Variants in PHACTR1 observed in about 807,000 individuals in gnomAD.
PHACTR1 encodes the protein phosphatase and actin regulator 1.
PHACTR1 carries 16 observed loss-of-function variants against 69.2 expected under a neutral mutation model. The ratio of observed to expected loss-of-function variants is 0.23; its 90% CI spans 0.16 to 0.35. PHACTR1 has a LOEUF of 0.35. PHACTR1 is among the 10% of genes least tolerant of loss of function. PHACTR1 has a pLI of 1.00. For missense variants in PHACTR1, 510 were observed against 734.7 expected, an observed-to-expected ratio of 0.69 and a Z score of 3.54; for synonymous variants, 312 against 284.5, an observed-to-expected ratio of 1.10 and a Z score of -0.97.
intron 5 of PHACTR1, among the ~76,000 whole-genome samples, chr6:13,125,143 A>G (rs1236202582): frequency 2.6e-5 from 4 of 152,226 alleles, no homozygotes; most frequent in Non-Finnish European, 5.9e-5. Context: ...AGGTGAATTG[A>G]CTAAGCAAAC....
chr6:13,143,980 A>G (rs566527328), intron 5 of PHACTR1, among the ~76,000 whole-genome samples: 2 of 152,310 alleles, frequency 1.3e-5, no homozygotes, highest in African/African-American at 2.4e-5. Context: ...TCATAGGTGC[A>G]GATAAAATTT....
intron 8 of PHACTR1, among the ~76,000 whole-genome samples, chr6:13,212,956 C>A (rs979859941): frequency 1.3e-5 from 2 of 152,188 alleles, no homozygotes; most frequent in South Asian, 4.1e-4. Flanking sequence ...CACCATCTAA[C>A]GTTTTGTGTC....
intron 4 of PHACTR1, among the ~76,000 whole-genome samples, chr6:12,822,365 G>A (rs1204158687): frequency 2.6e-5 from 4 of 152,172 alleles, no homozygotes; most frequent in Non-Finnish European, 5.9e-5. Context: ...CCTAAGGGGA[G>A]ACCACGAGGA....
intron 4 of PHACTR1, among the ~76,000 whole-genome samples, chr6:12,944,307 A>G (rs1790363894): frequency 6.6e-6 from 1 of 152,206 alleles, no homozygotes; most frequent in Non-Finnish European, 1.5e-5. Context: ...AATCTGCCCA[A>G]TTACAATTTG....
At chr6:12,888,558 G>C (rs917823639) in intron 4 of PHACTR1, among the ~76,000 whole-genome samples, 9 of 151,970 alleles carry the variant, frequency 5.9e-5, no homozygotes, top group Non-Finnish European at 7.4e-5. Context: ...ATGAAAATTA[G>C]TTTTATTTAA....
At chr6:13,242,963 A>C (rs6908312) in intron 10 of PHACTR1, among the ~76,000 whole-genome samples, 3,245 of 152,308 alleles carry the variant, frequency 0.021, 119 homozygotes, top group African/African-American at 0.073. Flanking sequence ...GAGTGAGTCA[A>C]AGTATGCTTA....
chr6:13,287,090 C>G lies in PHACTR1; in HGVS notation c.*12C>G, dbSNP rs1399571899. The G allele has an allele frequency of 6.2e-7, 1 of 1,601,804 alleles. No homozygotes were observed. Among genetic ancestry groups the G allele is most frequent in the Non-Finnish European group, 8.5e-7 (1 of 1,172,928 alleles). On this transcript the variant is annotated 3_prime_UTR_variant, in exon 15 of 15. Coordinates refer to ENST00000332995, the MANE Select transcript of PHACTR1 (RefSeq NM_030948.6). The stretch of plus-strand genomic sequence containing the variant: ...TTCACCGACCTTAACAGTCGAATTC[C>G]TCTTGAGTGCTATGCTGTCTTCAAA...
chr6:12,773,002 A>G (rs1769583039), intron 4 of PHACTR1, among the ~76,000 whole-genome samples: 1 of 152,188 alleles, frequency 6.6e-6, no homozygotes, highest in Non-Finnish European at 1.5e-5. Context: ...TGAAGATACA[A>G]TATGGATGTG....
intron 4 of PHACTR1, among the ~76,000 whole-genome samples, chr6:12,829,753 A>G (rs933661656): frequency 5.3e-5 from 8 of 151,732 alleles, no homozygotes; most frequent in African/African-American, 1.9e-4. Context: ...CCTGGAGTTC[A>G]AGATCAGGCT....
intron 10 of PHACTR1, among the ~76,000 whole-genome samples, chr6:13,244,907 G>C (rs111237122): frequency 0.056 from 8,523 of 152,302 alleles, 427 homozygotes; most frequent in African/African-American, 0.13. Flanking sequence ...TTGGGGAAGT[G>C]ATAAGTGTCC....
At chr6:13,079,204 C>G (rs1476708053) in intron 5 of PHACTR1, among the ~76,000 whole-genome samples, 1 of 152,136 alleles carries the variant, frequency 6.6e-6, no homozygotes, top group East Asian at 1.9e-4. Flanking sequence ...AATGCCAACT[C>G]ATGGAGACAC....
intron 4 of PHACTR1, among the ~76,000 whole-genome samples, chr6:12,771,194 G>C (rs1769338651): frequency 6.6e-6 from 1 of 152,174 alleles, no homozygotes; most frequent in South Asian, 2.1e-4. Flanking sequence ...GCTTGAGTTA[G>C]AGCAGTAATA....
intron 5 of PHACTR1, among the ~76,000 whole-genome samples, chr6:13,096,787 T>C (rs1475905592): frequency 6.6e-6 from 1 of 152,214 alleles, no homozygotes; most frequent in African/African-American, 2.4e-5. Context: ...AGTCTGTGTG[T>C]CTAGAGATGC....
At chr6:13,120,267 C>T (rs1818498591) in intron 5 of PHACTR1, among the ~76,000 whole-genome samples, 1 of 152,162 alleles carries the variant, frequency 6.6e-6, no homozygotes, top group Non-Finnish European at 1.5e-5. Flanking sequence ...TTCTCTTCCT[C>T]CCCTCCTTTT....
intron 7 of PHACTR1, among the ~76,000 whole-genome samples, chr6:13,201,742 C>T (rs751842322): frequency 7.2e-5 from 11 of 152,142 alleles, no homozygotes; most frequent in Admixed American, 1.3e-4. Flanking sequence ...AATCGTGCCT[C>T]TAGTTATGTT....
chr6:13,084,118 C>T (rs1811875158), intron 5 of PHACTR1, among the ~76,000 whole-genome samples: 2 of 152,008 alleles, frequency 1.3e-5, no homozygotes, highest in African/African-American at 2.4e-5. Flanking sequence ...AGACTTGGAA[C>T]TGACCCAAAT....
chr6:13,284,535 AAAAAAAAAATATATAT>A (rs1781085459), intron 13 of PHACTR1, among the ~76,000 whole-genome samples: 4 of 104,980 alleles, frequency 3.8e-5, no homozygotes, highest in Non-Finnish European at 6.9e-5. Context: ...AAAAAAAAAA[AAAAAAAAAATATATAT>A]ATATATATAT....
At position 13,283,019 on chromosome 6, in the gene PHACTR1, G is replaced by A. The variant is rs1780636080; in HGVS notation, c.1510-403G>A. On this transcript the variant is annotated intron_variant, in intron 12 of 14. Transcript: ENST00000332995. The surrounding 1 kb of genome is among the most constrained non-coding windows in gnomAD (Gnocchi z 4.7). ...ACAGATAAAATGATATGATGCCTGT[G>A]ATTTGTTTCAAAGCAATCTACATGT... Among the ~76,000 whole-genome samples the A allele has an allele frequency of 6.6e-6, 1 of 152,134 alleles. No homozygotes were observed. The highest frequency in any genetic ancestry group is 6.5e-5 in the Admixed American group (1 of 15,284).
chr6:13,079,710 T>A, intron 5 of PHACTR1, among the ~76,000 whole-genome samples: 1 of 152,122 alleles, frequency 6.6e-6, no homozygotes, highest in East Asian at 1.9e-4. Context: ...GAAGGTTGCA[T>A]TATGTACCAA....
Sources: gnomAD v4.1 joint callset for allele counts (sites outside exome capture counted in the v4.1 genomes callset) on GRCh38, gnomAD v4.1.1 for gene constraint, Gnocchi (gnomAD v3.1) non-coding constraint, MANE v1.5 for transcripts, NCBI Gene and HGNC (gene_info 2026-07-23, HGNC 2026-07-21) for gene names.